DGKB: variants seen among roughly 807,000 people sequenced by gnomAD.
DGKB encodes 90 kDa diacylglycerol kinase.
Under a neutral mutation model 114.3 loss-of-function variants are expected in DGKB, and 67 were observed. The observed-to-expected ratio is 0.59, with a 90% CI of 0.48 to 0.72. The LOEUF (loss-of-function observed/expected upper bound fraction) is 0.72. DGKB is among the 30% of genes least tolerant of loss of function. DGKB has a pLI of 0.00. For synonymous variants in DGKB, 398 were observed against 323.1 expected (o/e 1.23, Z -2.49); for missense variants, 907 against 975.2 (o/e 0.93, Z 0.93).
intron 21 of DGKB, among the ~76,000 whole-genome samples, chr7:14,404,448 C>T (rs1036147591): frequency 6.6e-6 from 1 of 151,814 alleles, no homozygotes; most frequent in Non-Finnish European, 1.5e-5. Flanking sequence ...TCCATTCTAC[C>T]CAACAGCAAA....
At chr7:14,759,356 A>G (rs546136841) in intron 2 of DGKB, among the ~76,000 whole-genome samples, 1 of 152,312 alleles carries the variant, frequency 6.6e-6, no homozygotes, top group African/African-American at 2.4e-5. Flanking sequence ...GATTAATCCC[A>G]TAACATTTTC....
intron 1 of DGKB, among the ~76,000 whole-genome samples, chr7:14,889,274 C>T (rs1780800958): frequency 6.6e-6 from 1 of 151,686 alleles, no homozygotes; most frequent in Non-Finnish European, 1.5e-5. Context: ...GCTCTACCAG[C>T]ATTCCATGTA....
chr7:14,464,983 G>A (rs1373870601), intron 21 of DGKB, among the ~76,000 whole-genome samples: 3 of 152,160 alleles, frequency 2.0e-5, no homozygotes, highest in Non-Finnish European at 4.4e-5. Context: ...GTTGTGATAT[G>A]AGTAGCAGCG....
chr7:14,400,946 G>A (rs1388993965), intron 21 of DGKB, among the ~76,000 whole-genome samples: 1 of 151,682 alleles, frequency 6.6e-6, no homozygotes, highest in Non-Finnish European at 1.5e-5. Context: ...AGCTATCCTT[G>A]ACTGCCTCCC....
In DGKB at chr7:14,287,277, C is replaced by T. The variant is rs1801024398; in HGVS notation, c.2122+51238G>A. On this transcript the variant is annotated intron_variant, in intron 23 of 25. Coordinates refer to ENST00000402815, the MANE Select transcript of DGKB (RefSeq NM_001350709.2). The stretch of plus-strand genomic sequence containing the variant: ...AGAGGGTTTAAGATTTTATTGATCC[C>T]TCTACCATCTGTCCTTTTAAAACAT... 2.0e-5 allele frequency among the ~76,000 whole-genome samples: 3 copies of T among 152,056 alleles called. No homozygotes were observed. The South Asian group carries it at 6.2e-4, about 32-fold the overall frequency.
At chr7:14,661,295 A>C (rs1817015386) in intron 13 of DGKB, among the ~76,000 whole-genome samples, 1 of 147,046 alleles carries the variant, frequency 6.8e-6, no homozygotes, top group African/African-American at 2.5e-5. Context: ...AAATTTTCAC[A>C]ACCTACTCAT....
chr7:14,369,894 C>G (rs1817347007), intron 21 of DGKB, among the ~76,000 whole-genome samples: 1 of 151,850 alleles, frequency 6.6e-6, no homozygotes, highest in African/African-American at 2.4e-5. Context: ...ACATATCTAT[C>G]TGAAAAGAAC....
At position 14,574,323 on chromosome 7, in the gene DGKB, G is replaced by A; in HGVS notation, c.1659C>T (p.Ser553=). The part of the protein sequence containing the change: ...LMKILKDIEN[S]TEIMLDRWKF... The stretch of plus-strand genomic sequence containing the variant: ...TCCACCTGTCCAACATGATTTCTGT[G>A]CTGTTTTCAATGTCTTTTAGAATTT... Residue 553 remains serine, a synonymous_variant, in exon 20 of 26, where the codon AGC becomes AGT. Coordinates refer to ENST00000402815, the MANE Select transcript of DGKB (RefSeq NM_001350709.2). 6.2e-7 allele frequency: 1 copy of A among 1,613,022 alleles called. No homozygotes were observed. The highest frequency in any genetic ancestry group is 2.2e-5 in the East Asian group (1 of 44,778).
At chr7:14,686,509 C>T (rs1254064625) in intron 9 of DGKB, among the ~76,000 whole-genome samples, 3 of 152,138 alleles carry the variant, frequency 2.0e-5, no homozygotes, top group Non-Finnish European at 2.9e-5. Flanking sequence ...GGAACACATT[C>T]ACCTAATAAT....
chr7:14,478,402 T>C (rs755626548), intron 20 of DGKB, among the ~76,000 whole-genome samples, 177 bp from the exon 21 acceptor site: 7 of 152,066 alleles, frequency 4.6e-5, no homozygotes, highest in Non-Finnish European at 8.8e-5. Context: ...AAGTGATTTA[T>C]GTAATTCTAT....
At chr7:14,920,419 G>A (rs1458714373) in intron 1 of DGKB, among the ~76,000 whole-genome samples, 1 of 152,108 alleles carries the variant, frequency 6.6e-6, no homozygotes, top group Non-Finnish European at 1.5e-5. Flanking sequence ...ATGTTATTAG[G>A]TAACTGCAAA....
intron 21 of DGKB, among the ~76,000 whole-genome samples, chr7:14,442,568 T>C (rs1164373326): frequency 1.3e-5 from 2 of 152,162 alleles, no homozygotes; most frequent in African/African-American, 4.8e-5. Context: ...GATAATTTGG[T>C]CATTAATTTT....
intron 16 of DGKB, among the ~76,000 whole-genome samples, chr7:14,610,986 C>G (rs946794726): frequency 1.9e-4 from 29 of 152,228 alleles, no homozygotes; most frequent in African/African-American, 6.3e-4. Context: ...CACAATTCAG[C>G]CACAGTTTCT....
intron 2 of DGKB, among the ~76,000 whole-genome samples, chr7:14,794,802 T>C (rs138339009): frequency 6.6e-6 from 1 of 152,284 alleles, no homozygotes; most frequent in Non-Finnish European, 1.5e-5. Flanking sequence ...GCTGTGGACA[T>C]TGAGCCTCTA....
chr7:14,338,563 T>C lies in DGKB; in HGVS notation c.2074A>G (p.Lys692Glu). Reference protein sequence around the residue: ...HRRIEKKGSDKRTTVTDAKEL... With the variant: ...HRRIEKKGSDERTTVTDAKEL... ...TTGGCATCTGTGACGGTGGTCCTTT[T>C]GTCAGACCCTTTTTTCTCTATTCGT... Residue 692 changes from lysine to glutamate, a missense_variant, in exon 23 of 26, where the codon AAA (lysine) becomes GAA (glutamate). By Grantham distance (56) the Lys-to-Glu change is moderately conservative. Around this residue, in one of 3 missense-constraint regions of DGKB, gnomAD observed 814 missense variants for 856.6 expected, o/e 0.95. Transcript: ENST00000402815. 1 of 1,606,422 alleles carries C rather than the reference T, an allele frequency of 6.2e-7. No homozygotes were observed.
At chr7:14,483,801 A>G (rs1366387827) in intron 20 of DGKB, among the ~76,000 whole-genome samples, 1 of 152,178 alleles carries the variant, frequency 6.6e-6, no homozygotes, top group Non-Finnish European at 1.5e-5. Context: ...CACAACTTAA[A>G]GAATGCTGAA....
At chr7:14,661,273 C>T (rs1168768698) in intron 13 of DGKB, among the ~76,000 whole-genome samples, 2 of 146,710 alleles carry the variant, frequency 1.4e-5, no homozygotes, top group Non-Finnish European at 3.0e-5. Context: ...AGGCAACCTA[C>T]AGAATGGGAG....
chr7:14,832,763 C>T lies in DGKB; in HGVS notation c.70+8431G>A, dbSNP rs189764741. Among the ~76,000 whole-genome samples, 181 of 152,192 alleles carry T rather than the reference C, an allele frequency of 1.2e-3. 1 individual carries two copies. The highest frequency in any genetic ancestry group is 1.8e-3 in the Admixed American group (27 of 15,266). On this transcript the variant is annotated intron_variant, in intron 2 of 25. Transcript: ENST00000402815. ...AATCTTTCTAGAGTTTCATCTCCAT[C>T]CTTCTCTCCTTGCTCAATCTGCTTC...
chr7:14,762,236 A>C (rs1246356832), intron 2 of DGKB, among the ~76,000 whole-genome samples: 1 of 152,100 alleles, frequency 6.6e-6, no homozygotes, highest in Admixed American at 6.6e-5. Flanking sequence ...GGGAAAGAAC[A>C]AAGAAAATGT....
Sources: allele counts gnomAD v4.1 joint callset (sites outside exome capture counted in the v4.1 genomes callset), GRCh38; gene constraint gnomAD v4.1.1; regional missense constraint gnomAD v4.1.1; transcripts MANE v1.5; gene names NCBI Gene and HGNC (gene_info 2026-07-23, HGNC 2026-07-21).